The following TUSC3 variants were observed in gnomAD, a reference collection of about 807,000 sequenced individuals.
The protein encoded by TUSC3 is dolichyl-diphosphooligosaccharide--protein glycosyltransferase subunit TUSC3.
Under a neutral mutation model 44.8 loss-of-function variants are expected in TUSC3, and 45 were observed. The observed-to-expected ratio is 1.00, with a 90% CI of 0.79 to 1.29. The LOEUF is 1.29. Ranked by LOEUF, TUSC3 falls within the 50% of genes most tolerant of loss-of-function variation. The pLI is 0.00. For missense variants in TUSC3, 519 were observed against 437.9 expected (o/e 1.19, Z -1.65); for synonymous variants, 212 against 152.9 (o/e 1.39, Z -2.85).
At chr8:15,721,949 GTAT>G (rs748705056) in intron 6 of TUSC3, among the ~76,000 whole-genome samples, 1 of 151,370 alleles carries the variant, frequency 6.6e-6, no homozygotes, top group Non-Finnish European at 1.5e-5. Context: ...TAATAGTATA[GTAT>G]TATATTTTTG....
At chr8:15,657,237 A>C (rs752121448) in intron 3 of TUSC3, among the ~76,000 whole-genome samples, 2 of 152,042 alleles carry the variant, frequency 1.3e-5, no homozygotes, top group African/African-American at 4.8e-5. Flanking sequence ...GAGTTTTCCA[A>C]ATCTTTATGT....
chr8:15,805,476 A>G, the TUSC3 span, among the ~76,000 whole-genome samples: 3 of 152,088 alleles, frequency 2.0e-5, no homozygotes, highest in African/African-American at 4.8e-5. Flanking sequence ...TTTGTCATAG[A>G]TGGATCTTAT....
At chr8:15,797,287 C>G in the TUSC3 span, among the ~76,000 whole-genome samples, 1 of 152,136 alleles carries the variant, frequency 6.6e-6, no homozygotes, top group Non-Finnish European at 1.5e-5. Flanking sequence ...AAGTGGAATG[C>G]CCAAGAGAGG....
chr8:15,840,708 C>T, the TUSC3 span, among the ~76,000 whole-genome samples: 1 of 152,062 alleles, frequency 6.6e-6, no homozygotes, highest in African/African-American at 2.4e-5. Context: ...CACTTTTAGC[C>T]TGTTTTTCTA....
the TUSC3 span, among the ~76,000 whole-genome samples, chr8:15,845,160 T>C: frequency 3.6e-4 from 55 of 152,174 alleles, no homozygotes; most frequent in South Asian, 6.6e-3. Context: ...CTTTAGGAGG[T>C]GATTTTAAGT....
At chr8:15,674,320 G>A (rs1300448478) in intron 6 of TUSC3, among the ~76,000 whole-genome samples, 1 of 151,952 alleles carries the variant, frequency 6.6e-6, no homozygotes, top group South Asian at 2.1e-4. Context: ...TAGTAGCAGA[G>A]TTTACGTTAG....
At chr8:15,677,534 C>G (rs1357957608) in intron 6 of TUSC3, among the ~76,000 whole-genome samples, 1 of 152,208 alleles carries the variant, frequency 6.6e-6, no homozygotes, top group Non-Finnish European at 1.5e-5. Context: ...TACTTATTCT[C>G]TCTGTTCTTC....
rs1799769966 is a variant in TUSC3, at chr8:15,423,942, C to G, written n.91+6637C>G. Among the ~76,000 whole-genome samples the G allele has an allele frequency of 2.5e-5, 3 of 119,910 alleles. No individual in the cohort carries two copies. The Admixed American group carries it at 2.7e-4, about 11-fold the overall frequency. 78.7% of individuals were successfully genotyped at this position (119,910 alleles called of 152,430 possible). A position where few individuals can be genotyped will look rare whatever the true frequency, so the allele number is the denominator to read the frequency against. Reference sequence around the variant, plus strand: ...TTCCAGGAAAGTCTTCGTTTTTTCTCTTACAGCATTCATACTGTTTTGCTT... The same window carrying G: ...TTCCAGGAAAGTCTTCGTTTTTTCTGTTACAGCATTCATACTGTTTTGCTT... On this transcript the variant is annotated intron_variant and non_coding_transcript_variant, in intron 1 of 5. Transcript: ENST00000503191.
At chr8:15,637,740 C>G (rs547899540) in intron 2 of TUSC3, among the ~76,000 whole-genome samples, 1 of 152,134 alleles carries the variant, frequency 6.6e-6, no homozygotes, top group East Asian at 1.9e-4. Context: ...GAGTGGCCTA[C>G]TGATTTCTTA....
At chr8:15,517,684 G>A (rs1195187482) in intron 2 of TUSC3, among the ~76,000 whole-genome samples, 2 of 151,818 alleles carry the variant, frequency 1.3e-5, no homozygotes, top group South Asian at 2.1e-4. Context: ...TACTGCACAC[G>A]AAACAATTGC....
intron 5 of TUSC3, among the ~76,000 whole-genome samples, chr8:15,664,042 T>C (rs1021647414): frequency 2.0e-5 from 3 of 151,910 alleles, no homozygotes; most frequent in Non-Finnish European, 2.9e-5. Flanking sequence ...CCCAGAATTA[T>C]TGCATTGTAA....
intron 1 of TUSC3, among the ~76,000 whole-genome samples, chr8:15,428,816 T>G (rs1799836729): frequency 6.7e-6 from 1 of 149,944 alleles, no homozygotes; most frequent in African/African-American, 2.5e-5. Context: ...TTGATGGGGT[T>G]GTTTGTTTTT....
At chr8:15,644,219 A>T (rs992860062) in intron 2 of TUSC3, among the ~76,000 whole-genome samples, 2 of 152,192 alleles carry the variant, frequency 1.3e-5, no homozygotes, top group African/African-American at 4.8e-5. Context: ...TTACTATAAC[A>T]CATTTAACAG....
chr8:15,470,506 A>T (rs1032973456), intron 1 of TUSC3, among the ~76,000 whole-genome samples: 5 of 152,054 alleles, frequency 3.3e-5, no homozygotes, highest in Non-Finnish European at 7.4e-5. Context: ...TACCATTCTG[A>T]TGTGTGATGT....
chr8:15,669,887 C>G (rs1206923889), intron 5 of TUSC3, among the ~76,000 whole-genome samples: 2 of 151,290 alleles, frequency 1.3e-5, no homozygotes, highest in Non-Finnish European at 3.0e-5. Context: ...CCCTCCTTAG[C>G]AGATGATTTG....
Position 15,581,917 on chromosome 8 carries a change from G to A in TUSC3, c.139-41163G>A, listed in dbSNP as rs973501335. Among the ~76,000 whole-genome samples, 26 of 147,522 alleles carry A rather than the reference G, an allele frequency of 1.8e-4. No homozygotes were observed. The East Asian group carries it at 3.8e-3, about 22-fold the overall frequency. On this transcript the variant is annotated intron_variant, in intron 1 of 10. Transcript: ENST00000503731. ...GCGCCCCTCCCCCAGCCTCGCTGCC[G>A]CCTTGCAGTTTGATCTCAGACTGCT...
intron 2 of TUSC3, among the ~76,000 whole-genome samples, chr8:15,639,519 G>GA (rs926002446): frequency 1.3e-4 from 20 of 152,198 alleles, no homozygotes; most frequent in South Asian, 4.1e-4. Context: ...TGAAATAAAT[G>GA]AAAAAATGAC....
intron 6 of TUSC3, among the ~76,000 whole-genome samples, chr8:15,697,714 GC>G (rs1233403952): frequency 4.6e-5 from 7 of 152,144 alleles, no homozygotes; most frequent in Non-Finnish European, 1.0e-4. Flanking sequence ...TCATAATGCT[GC>G]CTGTGTTTTC....
chr8:15,507,659 T>C (rs1438501141), intron 2 of TUSC3, among the ~76,000 whole-genome samples: 3 of 152,144 alleles, frequency 2.0e-5, no homozygotes, highest in Non-Finnish European at 4.4e-5. Flanking sequence ...AAATATGTTA[T>C]ACAAAATACA....
Sources: gnomAD v4.1 joint callset for allele counts (sites outside exome capture counted in the v4.1 genomes callset) on GRCh38, gnomAD v4.1.1 for gene constraint, MANE v1.5 for transcripts, NCBI Gene and HGNC (gene_info 2026-07-23, HGNC 2026-07-21) for gene names.